Variants in ELK4 observed in about 807,000 individuals in gnomAD.
ELK4 encodes ETS domain-containing protein Elk-4.
Under a neutral mutation model 29.6 loss-of-function variants are expected in ELK4, and 16 were observed. The ratio of observed to expected loss-of-function variants is 0.54; its 90% CI spans 0.37 to 0.82. The LOEUF (loss-of-function observed/expected upper bound fraction) is 0.82. Ranked by LOEUF, ELK4 falls within the 40% of genes least tolerant of loss-of-function variation. The pLI is 0.00. For missense variants in ELK4, 465 were observed against 507.1 expected (o/e 0.92, Z 0.80); for synonymous variants, 213 against 191.1 (o/e 1.11, Z -0.95).
rs1670226509 is a variant in ELK4, at chr1:205,615,995, G to A, written c.*551C>T. On this transcript the variant is annotated 3_prime_UTR_variant, in exon 5 of 5. Transcript: ENST00000357992. ...TCACACAAAACAATCTCCCCAGTAT[G>A]ACTGCTCCAATCTTACTTTGTATGA... The A allele has an allele frequency of 4.5e-6, 1 of 224,306 alleles. No homozygotes were observed. The highest frequency in any genetic ancestry group is 2.2e-5 in the African/African-American group (1 of 44,720). The allele number at this position is 224,306 out of a possible 1,614,324, so 13.9% of individuals were successfully genotyped here. A position where few individuals can be genotyped will look rare whatever the true frequency, so the allele number is the denominator to read the frequency against.
rs772214680 is a variant in ELK4 at position 205,620,021 on chromosome 1, C to G, written c.1025G>C (p.Gly342Ala). ...TGTAGGGAGAGATGGGCTCAGTATT[C>G]CCAGTGGGCTTGGATCACTGCTCGT... is the stretch of plus-strand genomic sequence containing the variant. ...VITSSDPSPL[G>A]ILSPSLPTAS... Residue 342 changes from glycine (G) to alanine (A), a missense_variant, in exon 3 of 5, where the codon GGA (glycine) becomes GCA (alanine). Coordinates refer to ENST00000357992, the MANE Select transcript of ELK4 (RefSeq NM_001973.4). 5 of 1,614,216 alleles carry G rather than the reference C, an allele frequency of 3.1e-6. No individual in the cohort carries two copies. The East Asian group carries it at 1.1e-4, about 36-fold the overall frequency.
rs1212305927 is a variant in ELK4, at chr1:205,608,616, C to T, written c.*7930G>A. The T allele has an allele frequency of 1.5e-5, 3 of 195,962 alleles. No individual in the cohort carries two copies. Among genetic ancestry groups the T allele is most frequent in the African/African-American group, 6.9e-5 (3 of 43,236 alleles). 12.1% of individuals were successfully genotyped at this position (195,962 alleles called of 1,614,324 possible). ...TACTTTGAAGGTGCTTTTTAGGTCTCCCTAATGTAAATTATGCTGAAATCA... is the reference window on the plus strand; with the variant it reads ...TACTTTGAAGGTGCTTTTTAGGTCTTCCTAATGTAAATTATGCTGAAATCA... On this transcript the variant is annotated 3_prime_UTR_variant, in exon 5 of 5. Transcript: ENST00000357992.
rs1670129675 is a variant in ELK4, at chr1:205,610,067, G to A, written c.*6479C>T. ...ATATTGGTGCCCAAGAAAGTGCCAAGTGATTAACACCAATATATGGCATTC... is the reference window on the plus strand; with the variant it reads ...ATATTGGTGCCCAAGAAAGTGCCAAATGATTAACACCAATATATGGCATTC... On this transcript the variant is annotated 3_prime_UTR_variant, in exon 5 of 5. Coordinates refer to ENST00000357992, the MANE Select transcript of ELK4 (RefSeq NM_001973.4). 4.3e-6 allele frequency: 1 copy of A among 231,886 alleles called. No homozygotes were observed. Among genetic ancestry groups the A allele is most frequent in the South Asian group, 1.8e-4 (1 of 5,524 alleles). 14.4% of individuals were successfully genotyped at this position (231,886 alleles called of 1,614,324 possible).
intron 1 of ELK4, among the ~76,000 whole-genome samples, chr1:205,627,933 C>A (rs1188704681): frequency 6.6e-6 from 1 of 152,174 alleles, no homozygotes; most frequent in East Asian, 1.9e-4. Flanking sequence ...TGCCCACAGT[C>A]AGAATTCATG....
chr1:205,617,590 CTT>C (rs576948427), intron 4 of ELK4, among the ~76,000 whole-genome samples: 296 of 151,512 alleles, frequency 2.0e-3, no homozygotes, highest in African/African-American at 6.1e-3. Context: ...TTTTCAAGAC[CTT>C]TCTCTATTAA....
intron 3 of ELK4, chr1:205,619,395 T>C (rs1421981055): frequency 9.4e-7 from 1 of 1,061,300 alleles, no homozygotes; most frequent in Non-Finnish European, 1.1e-6. Context: ...CCAACATTTA[T>C]AAAGTCTTTT....
Position 205,611,890 on chromosome 1 carries a change from G to C in ELK4, c.*4656C>G. ...AAACAGAACAGACCTATAAAGAAAA[G>C]TATTCCTTTAGTTGCTGAAATATCA... On this transcript the variant is annotated 3_prime_UTR_variant, in exon 5 of 5. Coordinates refer to ENST00000357992, the MANE Select transcript of ELK4 (RefSeq NM_001973.4). 5.3e-6 allele frequency: 1 copy of C among 188,048 alleles called. No individual in the cohort carries two copies. The allele number at this position is 188,048 out of a possible 1,614,324, so 11.6% of individuals were successfully genotyped here. A position where few individuals can be genotyped will look rare whatever the true frequency, so the allele number is the denominator to read the frequency against.
rs1437798839 is a variant in ELK4, at chr1:205,609,471, CA to C, written c.*7074del. On this transcript the variant is annotated 3_prime_UTR_variant, in exon 5 of 5. Transcript: ENST00000357992. Reference sequence around the variant, plus strand: ...AGGGCCAAAACAAATAAATAGGCCTCAAGGAATAAAAAATTAATTGTATTCG... The same window carrying C: ...AGGGCCAAAACAAATAAATAGGCCTCAGGAATAAAAAATTAATTGTATTCG... 5.2e-6 allele frequency: 1 copy of C among 192,524 alleles called. No individual in the cohort carries two copies. Among genetic ancestry groups the C allele is most frequent in the Non-Finnish European group, 1.1e-5 (1 of 92,160 alleles). 11.9% of individuals were successfully genotyped at this position (192,524 alleles called of 1,614,324 possible).
At chr1:205,628,000 A>G (rs538725742) in intron 1 of ELK4, among the ~76,000 whole-genome samples, 1 of 152,238 alleles carries the variant, frequency 6.6e-6, no homozygotes, top group South Asian at 2.1e-4. Context: ...TACTCTGTCC[A>G]TTAGGGAAAC....
In ELK4 at chr1:205,618,016, A is replaced by AGAAT. The variant is rs1553243121; in HGVS notation, c.1197+940_1197+941insATTC. 9.1e-3 allele frequency among the ~76,000 whole-genome samples: 1,378 copies of AGAAT among 151,034 alleles called. 13 individuals are homozygous for AGAAT. The highest frequency in any genetic ancestry group is 0.014 in the Admixed American group (208 of 15,188). On this transcript the variant is annotated intron_variant, in intron 4 of 4. Transcript: ENST00000357992. ...GAGAGAGAGCAAGAGAGAGAGAGAGAGTGTGTGTGTGTGGATTTTGTTTTT... is the reference window on the plus strand; with the variant it reads ...GAGAGAGAGCAAGAGAGAGAGAGAGAGAATGTGTGTGTGTGTGGATTTTGTTTTT...
chr1:205,621,500 CTGAG>C (rs1670350116), intron 2 of ELK4, among the ~76,000 whole-genome samples: 1 of 152,108 alleles, frequency 6.6e-6, no homozygotes, highest in South Asian at 2.1e-4. Flanking sequence ...CATACACATC[CTGAG>C]TAAGCAAAAA....
rs1670152373 is a variant in ELK4, at chr1:205,611,677, A to G, written c.*4869T>C. 5.2e-6 allele frequency: 1 copy of G among 192,808 alleles called. No homozygotes were observed. The highest frequency in any genetic ancestry group is 1.1e-5 in the Non-Finnish European group (1 of 92,318). The allele number at this position is 192,808 out of a possible 1,614,324, so 11.9% of individuals were successfully genotyped here. On this transcript the variant is annotated 3_prime_UTR_variant, in exon 5 of 5. Coordinates refer to ENST00000357992, the MANE Select transcript of ELK4 (RefSeq NM_001973.4). ...ATAATATATTCTATCATAGCTTCAGATGACACACTACATCATGAGTAGTAT... is the reference window on the plus strand; with the variant it reads ...ATAATATATTCTATCATAGCTTCAGGTGACACACTACATCATGAGTAGTAT...
intron 2 of ELK4, among the ~76,000 whole-genome samples, chr1:205,621,378 AAT>A (rs1389554755): frequency 6.6e-6 from 1 of 152,154 alleles, no homozygotes; most frequent in Non-Finnish European, 1.5e-5. Flanking sequence ...CAACTGAACT[AAT>A]ATGTTACATA....
At chr1:205,624,113 T>G (rs1048371412) in intron 1 of ELK4, among the ~76,000 whole-genome samples, 1 of 152,216 alleles carries the variant, frequency 6.6e-6, no homozygotes, top group Non-Finnish European at 1.5e-5. Context: ...AGCTAAGATC[T>G]AAGCCCAGGC....
intron 4 of ELK4, among the ~76,000 whole-genome samples, chr1:205,618,073 C>T (rs561211013): frequency 1.3e-5 from 2 of 151,738 alleles, no homozygotes; most frequent in Non-Finnish European, 2.9e-5. Context: ...TCACCCAGGC[C>T]GGAGTGCAGC....
Position 205,610,775 on chromosome 1 carries a change from GCACA to G in ELK4, c.*5767_*5770del, listed in dbSNP as rs61639182. On this transcript the variant is annotated 3_prime_UTR_variant, in exon 5 of 5. Transcript: ENST00000357992. ...TCCCTATGAAAACAGATTTACACGC[GCACA>G]CACACACACACACACATTCAGTCAA... 2.0e-4 allele frequency: 44 copies of G among 216,396 alleles called. No individual in the cohort carries two copies. The highest frequency in any genetic ancestry group is 3.7e-4 in the South Asian group (2 of 5,338). The allele number at this position is 216,396 out of a possible 1,614,324, so 13.4% of individuals were successfully genotyped here.
intron 1 of ELK4, among the ~76,000 whole-genome samples, chr1:205,629,078 G>C (rs1253323248): frequency 6.6e-6 from 1 of 151,260 alleles, no homozygotes; most frequent in Non-Finnish European, 1.5e-5. Flanking sequence ...GCAGGCTGAG[G>C]CAGAATGGCG....
In ELK4 at chr1:205,613,177, G is replaced by A. The variant is rs1453425684; in HGVS notation, c.*3369C>T. Reference sequence around the variant, plus strand: ...CGTACTGTGACAAACCATTAATAAAGAAGGATTACTAAGCCAGGTGTGGTG... The same window carrying A: ...CGTACTGTGACAAACCATTAATAAAAAAGGATTACTAAGCCAGGTGTGGTG... On this transcript the variant is annotated 3_prime_UTR_variant, in exon 5 of 5. Coordinates refer to ENST00000357992, the MANE Select transcript of ELK4 (RefSeq NM_001973.4). The A allele has an allele frequency of 5.1e-6, 1 of 197,944 alleles. No individual in the cohort carries two copies. The highest frequency in any genetic ancestry group is 6.1e-5 in the Admixed American group (1 of 16,508). The allele number at this position is 197,944 out of a possible 1,614,324, so 12.3% of individuals were successfully genotyped here. A position where few individuals can be genotyped will look rare whatever the true frequency, so the allele number is the denominator to read the frequency against.
chr1:205,619,476 T>A, intron 3 of ELK4: 1 of 1,069,826 alleles, frequency 9.3e-7, no homozygotes, highest in Non-Finnish European at 1.1e-6. Context: ...GCATGTTTGT[T>A]TTTTTTTAAT....
Sources: allele counts gnomAD v4.1 joint callset (sites outside exome capture counted in the v4.1 genomes callset), GRCh38; gene constraint gnomAD v4.1.1; transcripts MANE v1.5; gene names NCBI Gene and HGNC (gene_info 2026-07-23, HGNC 2026-07-21).